The following DENND3 variants were observed in gnomAD, a reference collection of about 807,000 sequenced individuals.
DENND3 encodes DENN domain-containing protein 3.
A neutral mutation model predicts 135.1 loss-of-function variants in DENND3; 88 were observed. The ratio of observed to expected loss-of-function variants is 0.65; its 90% confidence interval spans 0.55 to 0.78. The LOEUF (loss-of-function observed/expected upper bound fraction) is 0.78. DENND3 is among the 30% of genes least tolerant of loss of function. DENND3 has a pLI of 0.00. For synonymous variants in DENND3, 693 were observed against 712.3 expected, an observed-to-expected ratio of 0.97 and a Z score of 0.43; for missense variants, 1,392 against 1,688.4, an observed-to-expected ratio of 0.82 and a Z score of 3.08.
rs1267691114 is a variant in DENND3, at chr8:141,180,763, G to A, written c.2853G>A (p.Pro951=). ...GTCTTTCAGTGCCCATGACGCTTCC[G>A]GAGACAACCCTGGAAACACTGAAGC... is the stretch of plus-strand genomic sequence containing the variant. ...KMSNEMPMTL[P]ETTLETLKHK... The change falls in exon 17 of 23, where the codon CCG becomes CCA. Residue 951 remains proline (P), a synonymous_variant. Coordinates refer to ENST00000519811, the MANE Select transcript of DENND3 (RefSeq NM_001352890.3). The A allele has an allele frequency of 5.6e-6, 9 of 1,612,814 alleles. No individual in the cohort carries two copies. The highest frequency in any genetic ancestry group is 2.2e-5 in the East Asian group (1 of 44,886).
At position 141,154,807 on chromosome 8, in the gene DENND3, C is replaced by A. The variant is rs1819248576; in HGVS notation, c.1075-1042C>A. Among the ~76,000 whole-genome samples, 1 of 152,206 alleles carries A rather than the reference C, an allele frequency of 6.6e-6. No homozygotes were observed. Among genetic ancestry groups the A allele is most frequent in the Non-Finnish European group, 1.5e-5 (1 of 68,036 alleles). ...CAAACTCCTGATCTCAGGTGATCCA[C>A]CCACCTCGGCCTCCCAAAGTGTTGG... On this transcript the variant is annotated intron_variant, in intron 7 of 22. Coordinates refer to ENST00000519811, the MANE Select transcript of DENND3 (RefSeq NM_001352890.3). The surrounding 1 kb of genome is among the most constrained non-coding windows in gnomAD (Gnocchi z 4.4).
At chr8:141,176,804 CA>C in intron 15 of DENND3, 43 bp downstream of exon 15, 1 of 1,597,958 alleles carries the variant, frequency 6.3e-7, no homozygotes, top group Non-Finnish European at 8.6e-7. Flanking sequence ...GTGGCTGCCT[CA>C]GGGGCCTCTC....
chr8:141,145,833 A>ATTTT, intron 5 of DENND3, among the ~76,000 whole-genome samples: 1 of 32,056 alleles, frequency 3.1e-5, no homozygotes, highest in African/African-American at 2.4e-4. Flanking sequence ...ATATATATAT[A>ATTTT]TATATATATA....
Position 141,175,072 on chromosome 8 carries a change from C to T in DENND3, c.2276-128C>T, listed in dbSNP as rs1005570122. On this transcript the variant is annotated intron_variant, in intron 13 of 22. Transcript: ENST00000519811. This position sits in a 1 kb window ranked among gnomAD's most constrained non-coding sequence, Gnocchi z 5.4. ...CTTCTAGGCAGTTTCCATCCAGCGC[C>T]CTGAGTGCTGGCGCCACCTGCTGCC... 2.0e-5 allele frequency: 22 copies of T among 1,110,542 alleles called. No individual in the cohort carries two copies. The East Asian group carries it at 5.2e-4, about 26-fold the overall frequency. The allele number at this position is 1,110,542 out of a possible 1,614,324, so 68.8% of individuals were successfully genotyped here. A position where few individuals can be genotyped will look rare whatever the true frequency, so the allele number is the denominator to read the frequency against.
intron 2 of DENND3, 101 bp downstream of exon 2, chr8:141,136,892 G>A: frequency 7.6e-7 from 1 of 1,320,940 alleles, no homozygotes. Flanking sequence ...GACGTGAGCG[G>A]CAGAGCCAGG....
At chr8:141,158,354 A>G in intron 8 of DENND3, 1 of 1,206,108 alleles carries the variant, frequency 8.3e-7, no homozygotes, top group Non-Finnish European at 1.1e-6. Flanking sequence ...GCTTTGTGAG[A>G]CTGTGTTGAA....
At chr8:141,180,281 C>T (rs547376421) in intron 16 of DENND3, among the ~76,000 whole-genome samples, 208 of 152,340 alleles carry the variant, frequency 1.4e-3, no homozygotes, top group Non-Finnish European at 2.1e-3. Context: ...TTATCCAGCC[C>T]AACACGCCCC....
intron 20 of DENND3, chr8:141,192,008 G>C (rs2154613592): frequency 4.0e-6 from 1 of 249,026 alleles, no homozygotes; most frequent in Non-Finnish European, 7.8e-6. Flanking sequence ...GCTTACAACA[G>C]TATCAAGTGT....
chr8:141,150,679 C>T (rs117827250), intron 5 of DENND3, among the ~76,000 whole-genome samples, 155 bp from the exon 6 acceptor site: 97 of 152,294 alleles, frequency 6.4e-4, no homozygotes, highest in Middle Eastern at 3.4e-3. Flanking sequence ...ATCTCTAGAC[C>T]GTTTGGTTAT....
intron 6 of DENND3, 53 bp downstream of exon 6, chr8:141,151,006 C>T: frequency 1.4e-6 from 2 of 1,472,850 alleles, no homozygotes; most frequent in Non-Finnish European, 9.0e-7. Flanking sequence ...CTTAGTGGGG[C>T]ATCAGAGCAA....
Position 141,160,659 on chromosome 8 carries a change from G to C in DENND3, c.1224G>C (p.Glu408Asp), listed in dbSNP as rs747638653. 6.2e-7 allele frequency: 1 copy of C among 1,609,916 alleles called. No homozygotes were observed. Among genetic ancestry groups the C allele is most frequent in the Admixed American group, 1.7e-5 (1 of 59,934 alleles). ...TGCAGAGCCTCCAGCTCCACCATGAGCTGCACGCCGCCCACCTCCTCTCCA... is the reference window on the plus strand; with the variant it reads ...TGCAGAGCCTCCAGCTCCACCATGACCTGCACGCCGCCCACCTCCTCTCCA... ...QRVQSLQLHH[E>D]LHAAHLLSST... is the part of the protein sequence containing the mutation. Residue 408 changes from glutamate to aspartate, a missense_variant, in exon 9 of 23, where the codon GAG (glutamate) becomes GAC (aspartate). By Grantham distance (45) the Glu-to-Asp change is conservative (BLOSUM62 2). Coordinates refer to ENST00000519811, the MANE Select transcript of DENND3 (RefSeq NM_001352890.3).
rs768172568 is a variant in DENND3 at position 141,189,009 on chromosome 8, G to A, written c.3108G>A (p.Gln1036=). 33 of 1,613,924 alleles carry A rather than the reference G, an allele frequency of 2.0e-5. No homozygotes were observed. The highest frequency in any genetic ancestry group is 2.5e-5 in the Non-Finnish European group (30 of 1,179,958). Residue 1036 remains glutamine (Q), a synonymous_variant, in exon 19 of 23, where the codon CAG becomes CAA. Coordinates refer to ENST00000519811, the MANE Select transcript of DENND3 (RefSeq NM_001352890.3). The part of the protein sequence containing the change: ...AKVNCMVMAD[Q]NQVWVGSEDS... The stretch of plus-strand genomic sequence containing the variant: ...AGAACTGCATGGTGATGGCCGACCA[G>A]AACCAGGTGTGGGTTGGCTCGGAAG...
intron 4 of DENND3, chr8:141,142,704 G>A (rs567061030): frequency 1.5e-4 from 34 of 225,130 alleles, no homozygotes; most frequent in Middle Eastern, 1.9e-3. Flanking sequence ...AGAATGCCAA[G>A]CCTGTACATG....
chr8:141,136,874 A>G lies in DENND3; in HGVS notation c.385+83A>G, dbSNP rs1215826826. On this transcript the variant is annotated intron_variant, in intron 2 of 22. Coordinates refer to ENST00000519811, the MANE Select transcript of DENND3 (RefSeq NM_001352890.3). ...TCTATTCCCAGAAACCCACAGGCAG[A>G]GGGAAGTGACGTGAGCGGCAGAGCC... 2.1e-6 allele frequency: 3 copies of G among 1,430,836 alleles called. No homozygotes were observed. The African/African-American group carries it at 4.3e-5, about 21-fold the overall frequency. The allele number at this position is 1,430,836 out of a possible 1,614,324, so 88.6% of individuals were successfully genotyped here.
chr8:141,162,126 G>A (rs972567586), intron 9 of DENND3, among the ~76,000 whole-genome samples: 20 of 152,090 alleles, frequency 1.3e-4, no homozygotes, highest in Non-Finnish European at 2.5e-4. Flanking sequence ...TTCTTTTGAT[G>A]TATTTGTTTG....
intron 8 of DENND3, chr8:141,157,729 G>A (rs1208989682): frequency 1.0e-6 from 1 of 985,292 alleles, no homozygotes; most frequent in Non-Finnish European, 1.2e-6. Context: ...TACCTGGAAG[G>A]TTTCTGAAAA....
In DENND3 at chr8:141,160,909, G is replaced by A. The variant is rs150163438; in HGVS notation, c.1352+122G>A. On this transcript the variant is annotated intron_variant, in intron 9 of 22. Transcript: ENST00000519811. ...AGTACCATTTGCCTGGCAAACATGA[G>A]TGGTCCCCGCCCCCTGCCAAAGCTT... The A allele has an allele frequency of 1.1e-3, 1,367 of 1,285,368 alleles. 14 individuals are homozygous for A. The African/African-American group carries it at 0.017, about 16-fold the overall frequency. 79.6% of individuals were successfully genotyped at this position (1,285,368 alleles called of 1,614,324 possible).
chr8:141,192,553 G>A lies in DENND3; in HGVS notation c.3526G>A (p.Gly1176Arg). 2.5e-6 allele frequency: 4 copies of A among 1,586,466 alleles called. No homozygotes were observed. The highest frequency in any genetic ancestry group is 3.4e-6 in the Non-Finnish European group (4 of 1,164,440). ...EEEQLWAACA[G>R]RSEVYIWSLK... ...GGAGCAGCTGTGGGCGGCCTGTGCA[G>A]GACGCAGCGAGGTTTACATCTGGAG... The change falls in exon 22 of 23, where the codon GGA becomes AGA. Residue 1176 changes from glycine to arginine, a missense_variant. Coordinates refer to ENST00000519811, the MANE Select transcript of DENND3 (RefSeq NM_001352890.3).
At chr8:141,172,067 C>T (rs1345457167) in intron 13 of DENND3, among the ~76,000 whole-genome samples, 5 of 130,478 alleles carry the variant, frequency 3.8e-5, no homozygotes, top group Non-Finnish European at 7.9e-5. Context: ...GTGGTGGGCA[C>T]GCTGCATAGG....
Sources: gnomAD v4.1 joint callset for allele counts (sites outside exome capture counted in the v4.1 genomes callset) on GRCh38, gnomAD v4.1.1 for gene constraint, Gnocchi (gnomAD v3.1) non-coding constraint, MANE v1.5 for transcripts, NCBI Gene and HGNC (gene_info 2026-07-23, HGNC 2026-07-21) for gene names.